Variants in TCF7L2 observed in about 807,000 individuals in gnomAD.
TCF7L2 encodes transcription factor 7-like 2.
TCF7L2 carries 23 observed loss-of-function variants against 77.9 expected under a neutral mutation model. That is an observed-to-expected ratio of 0.30 (90% confidence interval 0.21 to 0.42). The LOEUF (loss-of-function observed/expected upper bound fraction) is 0.42. Ranked by LOEUF, TCF7L2 falls within the 10% of genes least tolerant of loss-of-function variation. TCF7L2 has a pLI of 1.00. For missense variants in TCF7L2, 654 were observed against 793.1 expected, an observed-to-expected ratio of 0.82 and a Z score of 2.11; for synonymous variants, 413 against 340.2, an observed-to-expected ratio of 1.21 and a Z score of -2.36.
rs531905522 is a variant in TCF7L2 at position 112,986,980 on chromosome 10, G to T, written c.450+22356G>T. ...GCATTGAATTCTTTCCAGAATGTCT[G>T]CTGTGAAGAATTACTCATGTCATTT... On this transcript the variant is annotated intron_variant, in intron 4 of 13. Transcript: ENST00000627217. Among the ~76,000 whole-genome samples the T allele has an allele frequency of 2.6e-4, 39 of 152,360 alleles. 1 individual carries two copies. The highest frequency in any genetic ancestry group is 2.4e-3 in the Admixed American group (37 of 15,306).
intron 4 of TCF7L2, among the ~76,000 whole-genome samples, chr10:112,981,347 C>T (rs2040441589): frequency 1.3e-5 from 2 of 151,900 alleles, no homozygotes; most frequent in South Asian, 4.2e-4. Flanking sequence ...AGGGGAAAAG[C>T]TGTGTTTTGC....
At chr10:113,014,765 G>A (rs952160864) in intron 4 of TCF7L2, among the ~76,000 whole-genome samples, 3 of 151,628 alleles carry the variant, frequency 2.0e-5, no homozygotes, top group African/African-American at 4.8e-5. Flanking sequence ...CAGCCTGGGC[G>A]ACAGAGCGAG....
intron 4 of TCF7L2, among the ~76,000 whole-genome samples, chr10:112,980,742 C>G (rs1298899129): frequency 1.3e-5 from 2 of 152,102 alleles, no homozygotes; most frequent in Non-Finnish European, 2.9e-5. Flanking sequence ...GTTCTCCTAC[C>G]TCAGCCTCCC....
chr10:112,971,076 G>A (rs1309240348), intron 4 of TCF7L2, among the ~76,000 whole-genome samples: 2 of 152,172 alleles, frequency 1.3e-5, no homozygotes, highest in African/African-American at 4.8e-5. Flanking sequence ...TCAGAAGAAT[G>A]TTCATTCATG....
chr10:112,981,302 C>A (rs963549444), intron 4 of TCF7L2, among the ~76,000 whole-genome samples: 2 of 101,800 alleles, frequency 2.0e-5, no homozygotes, highest in African/African-American at 9.2e-5. Flanking sequence ...GGAAGAGACC[C>A]GTCCTCAAAA....
chr10:112,983,306 C>T (rs1203796556), intron 4 of TCF7L2, among the ~76,000 whole-genome samples: 1 of 151,614 alleles, frequency 6.6e-6, no homozygotes, highest in Non-Finnish European at 1.5e-5. Context: ...CCCGTCTCTA[C>T]TAAAAATACA....
At chr10:113,165,075 A>G (rs1031147161) in intron 13 of TCF7L2, among the ~76,000 whole-genome samples, 1 of 151,914 alleles carries the variant, frequency 6.6e-6, no homozygotes, top group African/African-American at 2.4e-5. Flanking sequence ...TCACACACTC[A>G]CACACACACA....
chr10:113,122,664 G>C (rs959470026), intron 5 of TCF7L2, among the ~76,000 whole-genome samples: 1 of 152,100 alleles, frequency 6.6e-6, no homozygotes, highest in Non-Finnish European at 1.5e-5. Context: ...GTAAAAAAGA[G>C]GCTACTTCTA....
chr10:113,038,808 G>A (rs1046749795), intron 4 of TCF7L2, among the ~76,000 whole-genome samples: 2 of 152,074 alleles, frequency 1.3e-5, no homozygotes, highest in African/African-American at 2.4e-5. Context: ...AAAACTCCCC[G>A]AGAGCGGACA....
intron 5 of TCF7L2, among the ~76,000 whole-genome samples, chr10:113,059,103 A>G (rs1019687720): frequency 6.6e-6 from 1 of 152,074 alleles, no homozygotes; most frequent in Non-Finnish European, 1.5e-5. Context: ...AACTCAGACA[A>G]TTTGTCAGGC....
rs564162629 is a variant in TCF7L2, at chr10:113,004,062, A to C, written c.451-35963A>C. 3.9e-5 allele frequency among the ~76,000 whole-genome samples: 6 copies of C among 152,326 alleles called. No homozygotes were observed. The East Asian group carries it at 1.2e-3, about 29-fold the overall frequency. ...AAACAGAGCCCTAGGTAGCACAGGGAAGTTGATTGCCCAGTATCAGTTAGT... is the reference window on the plus strand; with the variant it reads ...AAACAGAGCCCTAGGTAGCACAGGGCAGTTGATTGCCCAGTATCAGTTAGT... On this transcript the variant is annotated intron_variant, in intron 4 of 13. Transcript: ENST00000627217.
intron 4 of TCF7L2, among the ~76,000 whole-genome samples, chr10:113,001,404 C>T (rs987424552): frequency 4.6e-5 from 7 of 152,208 alleles, no homozygotes; most frequent in Admixed American, 6.5e-5. Flanking sequence ...CAGCCAGCTC[C>T]GAGTTCTGTG....
At chr10:113,087,012 A>C (rs1002354962) in intron 5 of TCF7L2, among the ~76,000 whole-genome samples, 1 of 152,112 alleles carries the variant, frequency 6.6e-6, no homozygotes, top group Non-Finnish European at 1.5e-5. Flanking sequence ...ACAAGAAAAA[A>C]AAAAGGGCAA....
At chr10:113,097,851 A>G (rs192135946) in intron 5 of TCF7L2, among the ~76,000 whole-genome samples, 10 of 151,598 alleles carry the variant, frequency 6.6e-5, no homozygotes, top group Middle Eastern at 3.4e-3. Context: ...CAGGAGTCAG[A>G]GACCAGCCTG....
intron 4 of TCF7L2, among the ~76,000 whole-genome samples, chr10:113,001,303 G>A (rs1054008849): frequency 2.0e-5 from 3 of 152,142 alleles, no homozygotes; most frequent in African/African-American, 4.8e-5. Flanking sequence ...GTGTTTCCAA[G>A]CCCTTAAAAA....
At chr10:113,114,566 C>T (rs1006226136) in intron 5 of TCF7L2, among the ~76,000 whole-genome samples, 1 of 152,038 alleles carries the variant, frequency 6.6e-6, no homozygotes, top group Non-Finnish European at 1.5e-5. Flanking sequence ...TCTATCAGTC[C>T]ACATGGTTCA....
chr10:113,118,875 A>G (rs1369515546), intron 5 of TCF7L2, among the ~76,000 whole-genome samples: 2 of 152,138 alleles, frequency 1.3e-5, no homozygotes, highest in African/African-American at 4.8e-5. Flanking sequence ...TTTCTAGATG[A>G]TAAATTTAAT....
chr10:113,059,880 C>T (rs1349068596), intron 5 of TCF7L2, among the ~76,000 whole-genome samples: 3 of 152,178 alleles, frequency 2.0e-5, no homozygotes, highest in Non-Finnish European at 4.4e-5. Context: ...CTGCCATTCA[C>T]TTCCATATTT....
At chr10:113,155,842 T>C (rs1370808372) in intron 11 of TCF7L2, among the ~76,000 whole-genome samples, 1 of 152,234 alleles carries the variant, frequency 6.6e-6, no homozygotes, top group East Asian at 1.9e-4. Flanking sequence ...AGATGGTCCA[T>C]TGCAGGCCCA....
Sources: gnomAD v4.1 joint callset for allele counts (sites outside exome capture counted in the v4.1 genomes callset) on GRCh38, gnomAD v4.1.1 for gene constraint, MANE v1.5 for transcripts, NCBI Gene and HGNC (gene_info 2026-07-23, HGNC 2026-07-21) for gene names.